Variants in CLIC5 observed in about 807,000 individuals in gnomAD.
CLIC5 encodes chloride intracellular channel protein 5.
In CLIC5, 20 loss-of-function variants were observed where a neutral mutation model predicts 24.7. The observed-to-expected ratio is 0.81, with a 90% CI of 0.57 to 1.18. The LOEUF is 1.18. Among genes scored for constraint, CLIC5 ranks in the 50% most tolerant of loss-of-function variants. The pLI, the probability that CLIC5 is intolerant of heterozygous loss-of-function variation, is 0.00. For synonymous variants in CLIC5, 159 were observed against 135.6 expected (o/e 1.17, Z -1.20); for missense variants, 341 against 326.1 (o/e 1.05, Z -0.35).
In CLIC5 at chr6:45,955,851, C is replaced by T. The variant is rs563855394; in HGVS notation, c.64-607G>A. Among the ~76,000 whole-genome samples, 7 of 151,634 alleles carry T rather than the reference C, an allele frequency of 4.6e-5. No individual in the cohort carries two copies. In the South Asian group the frequency reaches 1.0e-3, roughly 23 times the overall value. ...GCTTTAATCAATACACCACTTAGTT[C>T]TGGCTAGTACTTGGCCTTCACTGTC... On this transcript the variant is annotated intron_variant, in intron 1 of 5. Coordinates refer to ENST00000339561, the MANE Select transcript of CLIC5 (RefSeq NM_016929.5).
intron 1 of CLIC5, among the ~76,000 whole-genome samples, chr6:45,974,522 TAGAGAGAGAGAGAGAG>T (rs58729329): frequency 9.7e-4 from 64 of 65,992 alleles, no homozygotes; most frequent in Middle Eastern, 0.011. Context: ...TATATATATA[TAGAGAGAGAGAGAGAG>T]AGAGAGAGAG....
At chr6:45,883,316 A>C (rs979149703) in intron 6 of CLIC5, among the ~76,000 whole-genome samples, 9 of 152,172 alleles carry the variant, frequency 5.9e-5, no homozygotes, top group African/African-American at 2.2e-4. Context: ...GTGTTTCCCA[A>C]ATATATTTAT....
chr6:45,935,259 C>A (rs1763887697), intron 4 of CLIC5, among the ~76,000 whole-genome samples: 1 of 152,172 alleles, frequency 6.6e-6, no homozygotes, highest in South Asian at 2.1e-4. Context: ...AAGAGACAAA[C>A]CCAAGGAGCC....
intron 4 of CLIC5, among the ~76,000 whole-genome samples, chr6:45,939,904 A>G (rs1011590311): frequency 3.9e-5 from 6 of 151,930 alleles, no homozygotes; most frequent in Non-Finnish European, 5.9e-5. Context: ...AACACACTAT[A>G]GGGTTCAAGC....
At chr6:45,936,196 CTTTTTTTTTTTTT>C (rs60969238) in intron 4 of CLIC5, among the ~76,000 whole-genome samples, 4 of 80,238 alleles carry the variant, frequency 5.0e-5, no homozygotes, top group Non-Finnish European at 9.1e-5. Context: ...CAACGGCTGA[CTTTTTTTTTTTTT>C]TTTTTTTTTT....
intron 4 of CLIC5, among the ~76,000 whole-genome samples, chr6:45,914,809 G>A (rs554612391): frequency 1.1e-4 from 16 of 144,318 alleles, no homozygotes; most frequent in Middle Eastern, 7.4e-3. Flanking sequence ...AAATTAGCTG[G>A]GCATGGTGGC....
At chr6:46,088,057 G>C in the CLIC5 span, among the ~76,000 whole-genome samples, 1 of 151,946 alleles carries the variant, frequency 6.6e-6, no homozygotes, top group Non-Finnish European at 1.5e-5. Context: ...AGGGTTTTGG[G>C]ATTTTATCAT....
Position 46,015,729 on chromosome 6 carries a change from C to A in CLIC5, c.-187G>T. The A allele has an allele frequency of 8.0e-7, 1 of 1,246,772 alleles. No individual in the cohort carries two copies. Among genetic ancestry groups the A allele is most frequent in the South Asian group, 3.3e-5 (1 of 29,890 alleles). The allele number at this position is 1,246,772 out of a possible 1,614,324, so 77.2% of individuals were successfully genotyped here. ...CTGAGAGATCAGTGTCCCAGATGCT[C>A]ACATGAAAAGGAGCGAAGCCGGGAG... On this transcript the variant is annotated 5_prime_UTR_variant, in exon 1 of 6. An upstream open reading frame in the 5' UTR loses its in-frame stop. Coordinates refer to ENST00000339561, the MANE Select transcript of CLIC5 (RefSeq NM_016929.5).
intron 1 of CLIC5, among the ~76,000 whole-genome samples, chr6:46,069,040 C>A (rs925830886): frequency 1.3e-5 from 2 of 152,102 alleles, no homozygotes; most frequent in African/African-American, 4.8e-5. Flanking sequence ...GAAAAGGTGA[C>A]TTCTAGGCTG....
intron 6 of CLIC5, chr6:45,892,081 C>G (rs1762352567): frequency 6.6e-6 from 1 of 152,148 alleles, no homozygotes; most frequent in African/African-American, 2.4e-5. Context: ...TATGTTTGAT[C>G]ATATCACATC....
intron 1 of CLIC5, among the ~76,000 whole-genome samples, chr6:46,005,934 C>T (rs1766536360): frequency 6.8e-6 from 1 of 147,260 alleles, no homozygotes; most frequent in Admixed American, 6.8e-5. Context: ...TAGTTCATGG[C>T]ATTTTGTCAT....
chr6:45,956,690 C>G (rs530860932), intron 1 of CLIC5, among the ~76,000 whole-genome samples: 1 of 152,100 alleles, frequency 6.6e-6, no homozygotes. Context: ...GAACTTTTGA[C>G]AGTGTTGGCT....
At chr6:46,014,921 A>G (rs1478827652) in intron 1 of CLIC5, among the ~76,000 whole-genome samples, 2 of 152,194 alleles carry the variant, frequency 1.3e-5, no homozygotes, top group Non-Finnish European at 2.9e-5. Flanking sequence ...AACGTCGGAG[A>G]ATGGAGTGCT....
intron 1 of CLIC5, among the ~76,000 whole-genome samples, chr6:45,956,335 C>T (rs1304914453): frequency 6.6e-6 from 1 of 152,152 alleles, no homozygotes; most frequent in Non-Finnish European, 1.5e-5. Context: ...GTTGGCTGCC[C>T]TGGAAACCAT....
At chr6:45,896,165 C>G (rs1029555875), downstream of CLIC5, among the ~76,000 whole-genome samples, 9 of 152,126 alleles carry the variant, frequency 5.9e-5, no homozygotes, top group African/African-American at 1.9e-4. Flanking sequence ...TAAATCGACT[C>G]CAAGTCATAC....
intron 4 of CLIC5, chr6:45,937,365 A>C (rs921139018): frequency 1.3e-5 from 2 of 152,222 alleles, no homozygotes; most frequent in Admixed American, 6.5e-5. Context: ...TATAAAATAG[A>C]TGAACCTGCA....
At chr6:45,923,723 C>G (rs1020207056) in intron 4 of CLIC5, among the ~76,000 whole-genome samples, 2 of 152,150 alleles carry the variant, frequency 1.3e-5, no homozygotes, top group African/African-American at 4.8e-5. Context: ...TTCATCGGAT[C>G]GTGAACTGAT....
chr6:46,119,764 A>G, the CLIC5 span, among the ~76,000 whole-genome samples: 1 of 152,248 alleles, frequency 6.6e-6, no homozygotes, highest in African/African-American at 2.4e-5. Flanking sequence ...TGGTCTTAGC[A>G]AACGGCACAA....
At chr6:45,925,557 C>T (rs528252741) in intron 4 of CLIC5, among the ~76,000 whole-genome samples, 152 of 152,276 alleles carry the variant, frequency 1.0e-3, no homozygotes, top group African/African-American at 3.4e-3. Flanking sequence ...CCTCGTGATC[C>T]GCCTGCCCTG....
Sources: gnomAD v4.1 joint callset for allele counts (sites outside exome capture counted in the v4.1 genomes callset) on GRCh38, gnomAD v4.1.1 for gene constraint, MANE v1.5 for transcripts, NCBI Gene and HGNC (gene_info 2026-07-23, HGNC 2026-07-21) for gene names.